Variants in GRHL2 observed in about 807,000 individuals in gnomAD.
The protein encoded by GRHL2 is grainyhead-like protein 2 homolog.
A neutral mutation model predicts 83.8 loss-of-function variants in GRHL2; 21 were observed. The observed-to-expected ratio is 0.25, with a 90% CI of 0.18 to 0.36. GRHL2 has a LOEUF of 0.36. GRHL2 is among the 10% of genes least tolerant of loss of function. The probability of loss-of-function intolerance (pLI) is 1.00; values close to 1 mark genes in which losing one functional copy is unlikely to be tolerated. For synonymous variants in GRHL2, 280 were observed against 278.9 expected, an observed-to-expected ratio of 1.00 and a Z score of -0.04; for missense variants, 623 against 781.8, an observed-to-expected ratio of 0.80 and a Z score of 2.42.
chr8:101,594,097 AAG>A (rs1563597727), intron 7 of GRHL2, among the ~76,000 whole-genome samples: 13 of 90,160 alleles, frequency 1.4e-4, no homozygotes, highest in African/African-American at 6.1e-4. Context: ...AAAAAAAAAA[AAG>A]AGAGAGATAG....
chr8:101,629,543 C>T (rs568057234), intron 9 of GRHL2, among the ~76,000 whole-genome samples: 1 of 151,984 alleles, frequency 6.6e-6, no homozygotes, highest in African/African-American at 2.4e-5. Flanking sequence ...AATTCTTGTC[C>T]CTTTCCTCAT....
chr8:101,641,490 A>C (rs4734030), intron 12 of GRHL2, among the ~76,000 whole-genome samples: 58,914 of 151,978 alleles, frequency 0.39, 12,567 homozygotes, highest in African/African-American at 0.57. Flanking sequence ...TTGACCCTGG[A>C]AGGTAGGCTG....
intron 1 of GRHL2, among the ~76,000 whole-genome samples, chr8:101,508,388 G>GTTTTTTT (rs4002328): frequency 7.2e-6 from 1 of 139,602 alleles, no homozygotes; most frequent in Non-Finnish European, 1.5e-5. Context: ...ATTTACTCAG[G>GTTTTTTT]TTTTTTTTTT....
At chr8:101,506,847 A>T (rs867958551) in intron 1 of GRHL2, among the ~76,000 whole-genome samples, 18 of 151,148 alleles carry the variant, frequency 1.2e-4, no homozygotes, top group South Asian at 4.2e-4. Flanking sequence ...AAAAAAAAAA[A>T]ATTGCAATTT....
intron 1 of GRHL2, among the ~76,000 whole-genome samples, chr8:101,502,066 A>G (rs186811352): frequency 2.0e-5 from 3 of 152,296 alleles, no homozygotes; most frequent in East Asian, 1.9e-4. Context: ...AGTGAGTCCC[A>G]TAAAATAACT....
chr8:101,619,641 C>A lies in GRHL2; in HGVS notation c.1201C>A (p.Arg401Ser). 1.2e-6 allele frequency: 2 copies of A among 1,612,964 alleles called. No homozygotes were observed. Among genetic ancestry groups the A allele is most frequent in the Non-Finnish European group, 1.7e-6 (2 of 1,179,048 alleles). ...GATTGACACATACAGTTATAACAAT[C>A]GTAGCAATAAACCCATTCATAGAGC... ...IQIDTYSYNN[R>S]SNKPIHRAYC... Residue 401 changes from arginine (R) to serine (S), a missense_variant, in exon 9 of 16, where the codon CGT (arginine) becomes AGT (serine). Arg to Ser is a moderately radical substitution (Grantham distance 110, BLOSUM62 -1). Transcript: ENST00000646743.
chr8:101,570,905 A>G (rs1026431367), intron 5 of GRHL2, among the ~76,000 whole-genome samples: 7 of 152,136 alleles, frequency 4.6e-5, no homozygotes, highest in African/African-American at 1.7e-4. Flanking sequence ...ACCCTTGTCA[A>G]CTTTCTCCTG....
In GRHL2 at chr8:101,662,886, A is replaced by C. The variant is rs185029563; in HGVS notation, c.1699-1568A>C. ...ATATATATACATATATATATTTAAAAATACAAGTGGGATCACACCATAAAC... is the reference window on the plus strand; with the variant it reads ...ATATATATACATATATATATTTAAACATACAAGTGGGATCACACCATAAAC... On this transcript the variant is annotated intron_variant, in intron 14 of 15. Coordinates refer to ENST00000646743, the MANE Select transcript of GRHL2 (RefSeq NM_024915.4). Among the ~76,000 whole-genome samples, 1,117 of 143,112 alleles carry C rather than the reference A, an allele frequency of 7.8e-3. 23 individuals carry two copies. Among genetic ancestry groups the C allele is most frequent in the African/African-American group, 0.029 (1,052 of 36,154 alleles). 93.9% of individuals were successfully genotyped at this position (143,112 alleles called of 152,430 possible).
intron 1 of GRHL2, among the ~76,000 whole-genome samples, chr8:101,499,468 G>A (rs1810178728): frequency 6.6e-6 from 1 of 150,790 alleles, no homozygotes. Context: ...TATTAACTTG[G>A]TGAGAACTGC....
At chr8:101,647,938 C>T (rs1047530119) in intron 13 of GRHL2, among the ~76,000 whole-genome samples, 14 of 152,050 alleles carry the variant, frequency 9.2e-5, no homozygotes, top group Non-Finnish European at 1.9e-4. Flanking sequence ...CTAGTTTCAA[C>T]TTTGTTCTTC....
intron 1 of GRHL2, among the ~76,000 whole-genome samples, chr8:101,505,577 CAA>C (rs11395323): frequency 2.5e-4 from 25 of 101,056 alleles, no homozygotes; most frequent in East Asian, 8.5e-4. Context: ...AACTCTGTCT[CAA>C]AAAAAAAAAA....
intron 13 of GRHL2, 42 bp downstream of exon 13, chr8:101,644,267 G>C (rs1264089494): frequency 2.7e-6 from 4 of 1,497,636 alleles, no homozygotes; most frequent in Non-Finnish European, 1.8e-6. Flanking sequence ...AAGGGATGCG[G>C]GGTGTCTCTC....
intron 14 of GRHL2, among the ~76,000 whole-genome samples, chr8:101,652,846 T>C (rs1813701428): frequency 6.6e-6 from 1 of 152,188 alleles, no homozygotes. Context: ...GCCCCTGGTA[T>C]ATACCAAGTC....
In GRHL2 at chr8:101,493,609, G is replaced by GT. The variant is rs1488948012; in HGVS notation, c.20+821dup. On this transcript the variant is annotated intron_variant, in intron 1 of 15. Transcript: ENST00000646743. ...GCGATTCACCCGCGCCCCCGACGGCGTCTGCACGCCCCTCGAGCTCGCGGC... is the reference window on the plus strand; with the variant it reads ...GCGATTCACCCGCGCCCCCGACGGCGTTCTGCACGCCCCTCGAGCTCGCGGC... Among the ~76,000 whole-genome samples the GT allele has an allele frequency of 2.6e-5, 4 of 152,148 alleles. No homozygotes were observed. In the East Asian group the frequency reaches 5.8e-4, roughly 22 times the overall value.
rs945884697 is a variant in GRHL2, at chr8:101,598,610, T to A, written c.1004-447T>A. On this transcript the variant is annotated intron_variant, in intron 7 of 15. Coordinates refer to ENST00000646743, the MANE Select transcript of GRHL2 (RefSeq NM_024915.4). The stretch of plus-strand genomic sequence containing the variant: ...TTTTTTTTTTTTTTTTTTTTTTTTT[T>A]ACTAAAGTACTGATGACACTGCCTG... Among the ~76,000 whole-genome samples, 7 of 144,366 alleles carry A rather than the reference T, an allele frequency of 4.8e-5. No homozygotes were observed. In the South Asian group the frequency reaches 8.8e-4, roughly 18 times the overall value. 94.7% of individuals were successfully genotyped at this position (144,366 alleles called of 152,430 possible).
intron 2 of GRHL2, among the ~76,000 whole-genome samples, chr8:101,548,955 G>A (rs892054697): frequency 6.6e-6 from 1 of 152,146 alleles, no homozygotes; most frequent in Admixed American, 6.5e-5. Flanking sequence ...GCCCTTTCCA[G>A]GCCATTTTCA....
At chr8:101,554,200 C>T (rs1449121361) in intron 3 of GRHL2, among the ~76,000 whole-genome samples, 1 of 152,174 alleles carries the variant, frequency 6.6e-6, no homozygotes, top group African/African-American at 2.4e-5. Context: ...TGAAGGCTGC[C>T]TGCATCTGAG....
chr8:101,556,201 C>T (rs1456734740), intron 3 of GRHL2, among the ~76,000 whole-genome samples: 2 of 152,168 alleles, frequency 1.3e-5, no homozygotes, highest in African/African-American at 2.4e-5. Context: ...AGGTGATCCA[C>T]CCACCTCGGC....
Position 101,533,452 on chromosome 8 carries a change from G to A in GRHL2, c.21-9789G>A, listed in dbSNP as rs180777421. ...ATGTTAATTGACTACCAAGTATGTCGCAGGCACTGTTCAAGGTGCTTGTGA... is the reference window on the plus strand; with the variant it reads ...ATGTTAATTGACTACCAAGTATGTCACAGGCACTGTTCAAGGTGCTTGTGA... On this transcript the variant is annotated intron_variant, in intron 1 of 15. Coordinates refer to ENST00000646743, the MANE Select transcript of GRHL2 (RefSeq NM_024915.4). 8.5e-4 allele frequency among the ~76,000 whole-genome samples: 129 copies of A among 152,194 alleles called. 1 individual carries two copies. Among genetic ancestry groups the A allele is most frequent in the African/African-American group, 2.5e-3 (104 of 41,528 alleles).
Sources: gnomAD v4.1 joint callset for allele counts (sites outside exome capture counted in the v4.1 genomes callset) on GRCh38, gnomAD v4.1.1 for gene constraint, MANE v1.5 for transcripts, NCBI Gene and HGNC (gene_info 2026-07-23, HGNC 2026-07-21) for gene names.